GALNT17: variants seen among roughly 807,000 people sequenced by gnomAD.
GALNT17 encodes the protein UDP-GalNAc:polypeptide N-acetylgalactosaminyltransferase-like 3.
A neutral mutation model predicts 63.7 loss-of-function variants in GALNT17; 29 were observed. The observed-to-expected ratio is 0.46, with a 90% CI of 0.34 to 0.62. The LOEUF is 0.62. Among genes scored for constraint, GALNT17 ranks in the 20% least tolerant of loss-of-function variants. GALNT17 has a pLI of 0.01. For synonymous variants in GALNT17, 305 were observed against 318.3 expected (o/e 0.96, Z 0.45); for missense variants, 603 against 799.6 (o/e 0.75, Z 2.97).
intron 1 of GALNT17, among the ~76,000 whole-genome samples, chr7:71,227,997 T>G (rs1789712486): frequency 6.6e-6 from 1 of 152,082 alleles, no homozygotes; most frequent in Non-Finnish European, 1.5e-5. Flanking sequence ...TAGGAGTAAT[T>G]CAGCCCGATA....
At chr7:71,183,024 G>A (rs147648370) in intron 1 of GALNT17, among the ~76,000 whole-genome samples, 10 of 152,326 alleles carry the variant, frequency 6.6e-5, no homozygotes, top group African/African-American at 2.2e-4. Flanking sequence ...CTGCAGGGCT[G>A]CTGGGGCATT....
At chr7:71,180,676 A>T (rs2116312248) in intron 1 of GALNT17, among the ~76,000 whole-genome samples, 1 of 152,212 alleles carries the variant, frequency 6.6e-6, no homozygotes, top group African/African-American at 2.4e-5. Flanking sequence ...ACCTGGGGAG[A>T]TGGATACGCT....
chr7:71,659,564 A>G (rs760137071), intron 6 of GALNT17, among the ~76,000 whole-genome samples: 2 of 152,216 alleles, frequency 1.3e-5, no homozygotes, highest in Non-Finnish European at 2.9e-5. Flanking sequence ...CAGAATTCCA[A>G]GAGGAAGAAA....
chr7:71,534,465 G>A (rs1049324863), intron 5 of GALNT17, among the ~76,000 whole-genome samples: 1 of 152,022 alleles, frequency 6.6e-6, no homozygotes, highest in Non-Finnish European at 1.5e-5. Context: ...TGGGCATGGT[G>A]GCGGGCGCCT....
chr7:71,435,929 A>C (rs1460621104), intron 5 of GALNT17, among the ~76,000 whole-genome samples: 2 of 149,620 alleles, frequency 1.3e-5, no homozygotes, highest in Non-Finnish European at 3.0e-5. Context: ...CTGAGGCAGG[A>C]GAATGGCGTG....
At position 71,453,061 on chromosome 7, in the gene GALNT17, G is replaced by A. The variant is rs115610278; in HGVS notation, c.962+31956G>A. Among the ~76,000 whole-genome samples, 748 of 152,216 alleles carry A rather than the reference G, an allele frequency of 4.9e-3. 6 individuals carry two copies. Among genetic ancestry groups the A allele is most frequent in the African/African-American group, 0.017 (699 of 41,560 alleles). On this transcript the variant is annotated intron_variant, in intron 5 of 10. Transcript: ENST00000333538. ...AGTCCCAGACCGGAAACTCCAGGAG[G>A]GTAAGAGACATGCCAACATTGTTCA...
chr7:71,463,143 G>A (rs1275684023), intron 5 of GALNT17, among the ~76,000 whole-genome samples: 1 of 152,146 alleles, frequency 6.6e-6, no homozygotes, highest in Non-Finnish European at 1.5e-5. Flanking sequence ...ACAGGGAGGG[G>A]AAGCATCTCT....
chr7:71,657,877 GAT>G, intron 6 of GALNT17, among the ~76,000 whole-genome samples: 1 of 23,326 alleles, frequency 4.3e-5, no homozygotes, highest in Admixed American at 6.3e-4. Context: ...TGGATGGATG[GAT>G]GGATGGATGG....
At chr7:71,516,399 A>G (rs1307462966) in intron 5 of GALNT17, among the ~76,000 whole-genome samples, 1 of 152,152 alleles carries the variant, frequency 6.6e-6, no homozygotes, top group Non-Finnish European at 1.5e-5. Flanking sequence ...GGAGTGATGG[A>G]GCAGCCCTTG....
At chr7:71,337,187 C>T (rs985517574) in intron 2 of GALNT17, among the ~76,000 whole-genome samples, 6 of 152,082 alleles carry the variant, frequency 3.9e-5, no homozygotes, top group African/African-American at 1.4e-4. Context: ...TGATATCTCA[C>T]TTTTTCCCTT....
At chr7:71,316,246 C>CTGTGGGTCTGATCAGGATCCTGATG (rs1791497429) in intron 1 of GALNT17, among the ~76,000 whole-genome samples, 1 of 139,860 alleles carries the variant, frequency 7.2e-6, no homozygotes, top group African/African-American at 3.1e-5. Context: ...GGATCCTGAT[C>CTGTGGGTCTGATCAGGATCCTGATG]TGTGGGTCTG....
chr7:71,199,711 A>G (rs1259095980), intron 1 of GALNT17, among the ~76,000 whole-genome samples: 1 of 135,154 alleles, frequency 7.4e-6, no homozygotes, highest in Non-Finnish European at 1.5e-5. Context: ...CCATCCATCC[A>G]TGTATGTGTC....
chr7:71,510,828 GAGA>G (rs565300745), intron 5 of GALNT17, among the ~76,000 whole-genome samples: 1 of 152,108 alleles, frequency 6.6e-6, no homozygotes, highest in Non-Finnish European at 1.5e-5. Context: ...TGTTGGTTTG[GAGA>G]AGAAGGTCAG....
chr7:71,644,912 T>C (rs1361502254), intron 6 of GALNT17, among the ~76,000 whole-genome samples: 6 of 152,188 alleles, frequency 3.9e-5, no homozygotes, highest in Admixed American at 1.3e-4. Flanking sequence ...GGTTGGCAGG[T>C]AGCCTTCCTG....
chr7:71,611,839 A>G (rs1464901), intron 6 of GALNT17, among the ~76,000 whole-genome samples: 147,386 of 151,950 alleles, frequency 0.97, 71,623 homozygotes, highest in East Asian at 1. Flanking sequence ...GATGGATGGA[A>G]GAAAATGACC....
intron 1 of GALNT17, 33 bp downstream of exon 1, chr7:71,133,073 A>G (rs2903458): frequency 0.73 from 1,090,760 of 1,492,450 alleles, 402,063 homozygotes; most frequent in East Asian, 0.99. Context: ...CCGGGGCTCG[A>G]CGCGGGCGGG....
intron 6 of GALNT17, among the ~76,000 whole-genome samples, chr7:71,599,625 G>A (rs980247208): frequency 3.3e-5 from 5 of 151,884 alleles, no homozygotes; most frequent in African/African-American, 1.2e-4. Flanking sequence ...GCACTTGGGG[G>A]TCACCCATCA....
chr7:71,396,208 A>G (rs1169120440), intron 3 of GALNT17, among the ~76,000 whole-genome samples: 1 of 152,170 alleles, frequency 6.6e-6, no homozygotes, highest in East Asian at 1.9e-4. Context: ...GTCACAAAGA[A>G]TTGAACCTTT....
At chr7:71,581,529 C>T (rs1356892485) in intron 6 of GALNT17, among the ~76,000 whole-genome samples, 2 of 152,096 alleles carry the variant, frequency 1.3e-5, no homozygotes, top group African/African-American at 4.8e-5. Flanking sequence ...AAACCAACCC[C>T]CATGATCCAA....
Sources: allele counts gnomAD v4.1 joint callset (sites outside exome capture counted in the v4.1 genomes callset), GRCh38; gene constraint gnomAD v4.1.1; transcripts MANE v1.5; gene names NCBI Gene and HGNC (gene_info 2026-07-23, HGNC 2026-07-21).